The following YAP1 variants were observed in gnomAD, a reference collection of about 807,000 sequenced individuals.
YAP1 encodes transcriptional coactivator YAP1.
A neutral mutation model predicts 56.9 loss-of-function variants in YAP1; 5 were observed. The observed-to-expected ratio is 0.09, with a 90% CI of 0.05 to 0.18. The LOEUF is 0.18. YAP1 is among the 10% of genes least tolerant of loss of function. YAP1 has a pLI of 1.00. For missense variants in YAP1, 539 were observed against 651.8 expected, an observed-to-expected ratio of 0.83 and a Z score of 1.88; for synonymous variants, 265 against 248.1, an observed-to-expected ratio of 1.07 and a Z score of -0.64.
At chr11:102,117,744 G>T (rs1375203667) in intron 2 of YAP1, among the ~76,000 whole-genome samples, 1 of 152,210 alleles carries the variant, frequency 6.6e-6, no homozygotes, top group Non-Finnish European at 1.5e-5. Context: ...CAAGCTCTGG[G>T]ATGAATGTGA....
chr11:102,119,641 G>C (rs929656486), intron 2 of YAP1, among the ~76,000 whole-genome samples: 5 of 122,076 alleles, frequency 4.1e-5, no homozygotes, highest in African/African-American at 1.6e-4. Flanking sequence ...GTTGAAACTT[G>C]GAAAAAAAAA....
intron 3 of YAP1, among the ~76,000 whole-genome samples, chr11:102,179,050 C>A (rs896410569): frequency 2.8e-5 from 4 of 143,744 alleles, no homozygotes; most frequent in Admixed American, 6.9e-5. Context: ...CCCCACCCCC[C>A]ACCCCGTGAC....
chr11:102,191,381 T>G (rs1002018267), intron 4 of YAP1, among the ~76,000 whole-genome samples: 38 of 151,586 alleles, frequency 2.5e-4, no homozygotes, highest in African/African-American at 8.7e-4. Flanking sequence ...TTTTAAATGC[T>G]GGGAGAGTTA....
In YAP1 at chr11:102,162,564, G is replaced by C. The variant is rs891943128; in HGVS notation, c.681G>C (p.Ser227=). Residue 227 remains serine, a synonymous_variant, in exon 3 of 9, where the codon TCG becomes TCC. Coordinates refer to ENST00000282441, the MANE Select transcript of YAP1 (RefSeq NM_001130145.3). The part of the protein sequence containing the change: ...SPPVQQNMMN[S]ASGPLPDGWE... The stretch of plus-strand genomic sequence containing the variant: ...CAGTGCAGCAGAATATGATGAACTC[G>C]GCTTCAGGTGAGTGAGACACTGTAA... 6.2e-7 allele frequency: 1 copy of C among 1,614,014 alleles called. No individual in the cohort carries two copies. Among genetic ancestry groups the C allele is most frequent in the South Asian group, 1.1e-5 (1 of 91,070 alleles).
At chr11:102,186,369 C>T (rs536120562) in intron 4 of YAP1, 228 of 397,290 alleles carry the variant, frequency 5.7e-4, no homozygotes, top group Middle Eastern at 2.9e-3. Context: ...TCATAATGGC[C>T]GACTAACCAG....
chr11:102,215,977 A>G (rs1041414662), intron 6 of YAP1, among the ~76,000 whole-genome samples: 46 of 152,206 alleles, frequency 3.0e-4, no homozygotes, highest in African/African-American at 1.1e-3. Context: ...GCCAAAAAAC[A>G]ACAACCTCTG....
intron 2 of YAP1, among the ~76,000 whole-genome samples, chr11:102,161,406 C>T (rs1255638471): frequency 1.3e-5 from 2 of 149,970 alleles, no homozygotes; most frequent in African/African-American, 4.9e-5. Flanking sequence ...TAGCCTTGTC[C>T]AATACATACT....
At chr11:102,227,760 A>G (rs1025396758) in intron 8 of YAP1, among the ~76,000 whole-genome samples, 179 bp downstream of exon 8, 29 of 152,186 alleles carry the variant, frequency 1.9e-4, no homozygotes, top group African/African-American at 6.8e-4. Context: ...GTCTTTTCCT[A>G]GTTTAAAAAA....
intron 3 of YAP1, among the ~76,000 whole-genome samples, chr11:102,183,282 A>T (rs746891725): frequency 2.0e-5 from 3 of 152,206 alleles, no homozygotes; most frequent in Non-Finnish European, 2.9e-5. Context: ...GCATGATTTT[A>T]TGGAAAGTTG....
chr11:102,172,990 C>T (rs1221180902), intron 3 of YAP1, among the ~76,000 whole-genome samples: 1 of 152,134 alleles, frequency 6.6e-6, no homozygotes, highest in Non-Finnish European at 1.5e-5. Flanking sequence ...AATGGGGCTG[C>T]ATTACAGTGG....
intron 6 of YAP1, among the ~76,000 whole-genome samples, chr11:102,221,715 C>A (rs113322773): frequency 8.6e-5 from 13 of 150,846 alleles, no homozygotes; most frequent in African/African-American, 2.7e-4. Context: ...AGAGTGAGAC[C>A]CTGTCTCAAA....
intron 2 of YAP1, among the ~76,000 whole-genome samples, chr11:102,141,949 CT>C (rs996104448): frequency 3.9e-5 from 6 of 152,194 alleles, no homozygotes; most frequent in Non-Finnish European, 8.8e-5. Context: ...TTCGTAAGAA[CT>C]TTTGCAGCTC....
chr11:102,184,181 A>G (rs993935117), intron 3 of YAP1, among the ~76,000 whole-genome samples: 1 of 152,116 alleles, frequency 6.6e-6, no homozygotes, highest in Non-Finnish European at 1.5e-5. Flanking sequence ...ATCACCATGT[A>G]TAGTCACATG....
At chr11:102,153,242 C>G (rs764866662) in intron 2 of YAP1, among the ~76,000 whole-genome samples, 2 of 152,136 alleles carry the variant, frequency 1.3e-5, no homozygotes, top group Non-Finnish European at 2.9e-5. Flanking sequence ...TTTTGTGTAG[C>G]AGTTACATAT....
chr11:102,136,027 A>C (rs1318874912), intron 2 of YAP1, among the ~76,000 whole-genome samples: 1 of 152,152 alleles, frequency 6.6e-6, no homozygotes, highest in African/African-American at 2.4e-5. Flanking sequence ...CTGTGCAAGG[A>C]TTTCTCTGTG....
intron 4 of YAP1, among the ~76,000 whole-genome samples, chr11:102,196,333 G>A (rs1054268026): frequency 2.0e-5 from 3 of 152,158 alleles, no homozygotes; most frequent in African/African-American, 7.2e-5. Context: ...ATTAGTTGAT[G>A]AATGGGCTAA....
chr11:102,199,245 T>C (rs112943211), intron 4 of YAP1, among the ~76,000 whole-genome samples: 212 of 152,296 alleles, frequency 1.4e-3, no homozygotes, highest in African/African-American at 4.8e-3. Context: ...AAACCAAGGA[T>C]TAAGTGAATT....
chr11:102,215,555 A>G (rs781688794), intron 6 of YAP1, among the ~76,000 whole-genome samples: 5 of 152,168 alleles, frequency 3.3e-5, no homozygotes, highest in African/African-American at 7.2e-5. Flanking sequence ...GCTCACTGCA[A>G]CCTCCTCCTC....
chr11:102,209,116 T>A (rs983778143), intron 5 of YAP1, among the ~76,000 whole-genome samples: 8 of 152,228 alleles, frequency 5.3e-5, no homozygotes, highest in Admixed American at 2.0e-4. Flanking sequence ...TAGATTTTTT[T>A]AAAGTAATCA....
Sources: gnomAD v4.1 joint callset for allele counts (sites outside exome capture counted in the v4.1 genomes callset) on GRCh38, gnomAD v4.1.1 for gene constraint, MANE v1.5 for transcripts, NCBI Gene and HGNC (gene_info 2026-07-23, HGNC 2026-07-21) for gene names.